The following KCP variants were observed in gnomAD, a reference collection of about 807,000 sequenced individuals.
KCP encodes the protein kielin/chordin-like protein.
A neutral mutation model predicts 212.7 loss-of-function variants in KCP; 194 were observed. The ratio of observed to expected loss-of-function variants is 0.91; its 90% CI spans 0.81 to 1.03. KCP has a LOEUF of 1.03. KCP is among the 50% of genes least tolerant of loss of function. The probability of loss-of-function intolerance (pLI) is 0.00; values close to 1 mark genes in which losing one functional copy is unlikely to be tolerated. For synonymous variants in KCP, 833 were observed against 865.3 expected (o/e 0.96, Z 0.65); for missense variants, 2,080 against 2,162.5 (o/e 0.96, Z 0.76).
intron 16 of KCP, among the ~76,000 whole-genome samples, chr7:128,892,252 GT>G (rs1399067792): frequency 9.0e-4 from 135 of 150,044 alleles, no homozygotes; most frequent in Non-Finnish European, 1.6e-3. Context: ...CCCTAGCGTG[GT>G]GGGGCGGGGG....
At chr7:128,882,326 C>T (rs1174271721) in intron 29 of KCP, among the ~76,000 whole-genome samples, 3 of 152,194 alleles carry the variant, frequency 2.0e-5, no homozygotes, top group Non-Finnish European at 1.5e-5. Context: ...CCTGCTCTCC[C>T]TCCCGCTATC....
chr7:128,896,063 C>T (rs188739122), intron 8 of KCP, among the ~76,000 whole-genome samples: 5 of 152,196 alleles, frequency 3.3e-5, no homozygotes, highest in South Asian at 2.1e-4. Context: ...ATCTTTCTGG[C>T]GACCACTGAA....
At position 128,903,407 on chromosome 7, in the gene KCP, G is replaced by GT; in HGVS notation, c.748+319dup. 2.2e-5 allele frequency: 9 copies of GT among 405,148 alleles called. No homozygotes were observed. The South Asian group carries it at 3.1e-4, about 14-fold the overall frequency. The allele number at this position is 405,148 out of a possible 1,614,324, so 25.1% of individuals were successfully genotyped here. On this transcript the variant is annotated intron_variant, in intron 7 of 39. Transcript: ENST00000610776. ...GGCTGTTACAAGATTTTGCATTAGT[G>GT]TATGACTCAGTGTCACACTCTAGGG... is the stretch of plus-strand genomic sequence containing the variant.
At chr7:128,884,735 C>G (rs1290191442) in intron 28 of KCP, 46 bp downstream of exon 28, 9 of 1,412,840 alleles carry the variant, frequency 6.4e-6, no homozygotes, top group Admixed American at 4.1e-5. Context: ...GCTGCCCACT[C>G]CCCCCCGACG....
At chr7:128,896,817 G>T (rs1025137912) in intron 8 of KCP, among the ~76,000 whole-genome samples, 3 of 151,120 alleles carry the variant, frequency 2.0e-5, no homozygotes, top group Non-Finnish European at 4.4e-5. Context: ...CTTGAAACCG[G>T]GAGGCAGAAG....
chr7:128,884,346 C>G (rs1793513722), intron 28 of KCP, among the ~76,000 whole-genome samples: 1 of 152,210 alleles, frequency 6.6e-6, no homozygotes, highest in South Asian at 2.1e-4. Flanking sequence ...GTCACTTGGG[C>G]CTGAGCCCTC....
chr7:128,891,152 CA>C (rs1397650698), intron 19 of KCP, 32 bp downstream of exon 19: 2 of 1,539,034 alleles, frequency 1.3e-6, no homozygotes, highest in Non-Finnish European at 8.7e-7. Flanking sequence ...AGGGGACCCC[CA>C]GGGAGGAGCA....
chr7:128,910,219 G>A (rs559513947), intron 1 of KCP, among the ~76,000 whole-genome samples: 2 of 152,280 alleles, frequency 1.3e-5, no homozygotes, highest in East Asian at 1.9e-4. Flanking sequence ...TGCCGGCACC[G>A]AGCCCTCCAT....
intron 5 of KCP, among the ~76,000 whole-genome samples, chr7:128,904,933 A>G (rs1055127895): frequency 4.6e-5 from 7 of 151,782 alleles, no homozygotes; most frequent in South Asian, 2.1e-4. Flanking sequence ...AAATTTCACC[A>G]AAGACATCAT....
At chr7:128,891,622 G>T (rs1357891240) in intron 17 of KCP, 24 bp downstream of exon 17, 1 of 1,495,568 alleles carries the variant, frequency 6.7e-7, no homozygotes, top group East Asian at 2.5e-5. Flanking sequence ...ATCCCAGAAG[G>T]CCGCCCTGAC....
intron 8 of KCP, 71 bp downstream of exon 8, chr7:128,902,706 G>C: frequency 7.3e-7 from 1 of 1,370,338 alleles, no homozygotes; most frequent in Non-Finnish European, 1.0e-6. Flanking sequence ...GTACTCCATA[G>C]AATGAGCAAA....
chr7:128,890,992 C>T lies in KCP; in HGVS notation c.2077G>A (p.Asp693Asn). The T allele has an allele frequency of 1.5e-6, 2 of 1,330,622 alleles. No individual in the cohort carries two copies. The highest frequency in any genetic ancestry group is 1.9e-6 in the Non-Finnish European group (2 of 1,046,508). 82.4% of individuals were successfully genotyped at this position (1,330,622 alleles called of 1,614,324 possible). A position where few individuals can be genotyped will look rare whatever the true frequency, so the allele number is the denominator to read the frequency against. ...GDPCRRCLCL[D>N]GSVSCQRLPC... is the part of the protein sequence containing the mutation. The stretch of plus-strand genomic sequence containing the variant: ...AGCCGCTGGCAGGACACGGAGCCGT[C>T]GAGGCAGAGGCAGCGGCGGCAGGGA... The change falls in exon 20 of 40, where the codon GAC (aspartate) becomes AAC (asparagine). Residue 693 changes from aspartate (D) to asparagine (N), a missense_variant. Coordinates refer to ENST00000610776, the MANE Select transcript of KCP (RefSeq NM_001366122.1).
At position 128,903,797 on chromosome 7, in the gene KCP, GGCCATGCAGC is replaced by G; in HGVS notation, c.668_677del (p.Arg223ProfsTer2). The G allele has an allele frequency of 6.5e-7, 1 of 1,550,042 alleles. No individual in the cohort carries two copies. Among genetic ancestry groups the G allele is most frequent in the South Asian group, 1.2e-5 (1 of 84,008 alleles). On this transcript the variant is annotated frameshift_variant, in exon 7 of 40. Coordinates refer to ENST00000610776, the MANE Select transcript of KCP (RefSeq NM_001366122.1). LOFTEE classifies it high-confidence loss of function. Reference sequence around the variant, plus strand: ...GGCAGGGGCTAGGCGGGCACTTCAGGGCCATGCAGCGAACTCGGCTCCTCTGTAATGCACC... The same window carrying G: ...GGCAGGGGCTAGGCGGGCACTTCAGGGAACTCGGCTCCTCTGTAATGCACC...
intron 28 of KCP, among the ~76,000 whole-genome samples, chr7:128,884,569 C>T (rs999794558): frequency 6.6e-5 from 10 of 152,166 alleles, no homozygotes; most frequent in Admixed American, 3.3e-4. Context: ...CCTACGGCCT[C>T]CTGCACACTT....
intron 31 of KCP, 81 bp downstream of exon 31, chr7:128,881,545 C>A: frequency 5.1e-6 from 5 of 987,190 alleles, no homozygotes; most frequent in Middle Eastern, 3.0e-4. Context: ...CTGGGCTGCC[C>A]GCTTGGCCCA....
chr7:128,903,854 C>T, intron 6 of KCP, 34 bp from the exon 7 acceptor site: 1 of 543,116 alleles, frequency 1.8e-6, no homozygotes, highest in Non-Finnish European at 3.3e-6. Context: ...GGCTTCAGGT[C>T]TGGCTCCCGC....
chr7:128,887,046 G>A (rs1793697008), intron 23 of KCP, 80 bp from the exon 24 acceptor site: 3 of 1,018,904 alleles, frequency 2.9e-6, no homozygotes, highest in South Asian at 1.4e-5. Flanking sequence ...GCCTGCAGGG[G>A]CCCAAACACC....
intron 29 of KCP, among the ~76,000 whole-genome samples, chr7:128,883,649 C>T (rs778047506): frequency 3.9e-5 from 6 of 152,140 alleles, no homozygotes; most frequent in African/African-American, 7.2e-5. Context: ...CTTTTCCCCC[C>T]AATCTTAATA....
intron 8 of KCP, among the ~76,000 whole-genome samples, chr7:128,898,013 T>C (rs2935019): frequency 4.6e-5 from 7 of 152,154 alleles, no homozygotes; most frequent in African/African-American, 1.7e-4. Flanking sequence ...AATTTAAAGG[T>C]TGTTAGGCCT....
Sources: gnomAD v4.1 joint callset for allele counts (sites outside exome capture counted in the v4.1 genomes callset) on GRCh38, gnomAD v4.1.1 for gene constraint, MANE v1.5 for transcripts, NCBI Gene and HGNC (gene_info 2026-07-23, HGNC 2026-07-21) for gene names.